The following ZNF426 variants were observed in gnomAD, a reference collection of about 807,000 sequenced individuals.
ZNF426 encodes zinc finger protein 426.
In ZNF426, 23 loss-of-function variants were observed where a neutral mutation model predicts 24.0. The observed-to-expected ratio is 0.96, with a 90% CI of 0.69 to 1.36. The LOEUF is 1.36. Ranked by LOEUF, ZNF426 falls within the 40% of genes most tolerant of loss-of-function variation. ZNF426 has a pLI of 0.00. For synonymous variants in ZNF426, 272 were observed against 224.6 expected (o/e 1.21, Z -1.89); for missense variants, 646 against 658.4 (o/e 0.98, Z 0.21).
chr19:9,531,680 G>A (rs913473729), intron 6 of ZNF426, among the ~76,000 whole-genome samples: 1 of 152,024 alleles, frequency 6.6e-6, no homozygotes, highest in Non-Finnish European at 1.5e-5. Flanking sequence ...TGAAAAAAGA[G>A]CGTATATCTA....
Position 9,524,273 on chromosome 19 carries a change from G to A in ZNF426, c.*4107C>T, listed in dbSNP as rs1309137292. The A allele has an allele frequency of 6.6e-6, 1 of 152,136 alleles. No homozygotes were observed. Among genetic ancestry groups the A allele is most frequent in the Non-Finnish European group, 1.5e-5 (1 of 68,028 alleles). 9.4% of individuals were successfully genotyped at this position (152,136 alleles called of 1,614,324 possible). A position where few individuals can be genotyped will look rare whatever the true frequency, so the allele number is the denominator to read the frequency against. ...CTTTCCCATATTTTCCATTTACATA[G>A]GGTTTCCTGCCACTGTGAATTCTTA... is the stretch of plus-strand genomic sequence containing the variant. On this transcript the variant is annotated 3_prime_UTR_variant, in exon 8 of 8. Transcript: ENST00000253115.
intron 2 of ZNF426, 171 bp from the exon 3 acceptor site, chr19:9,536,527 C>A: frequency 2.2e-6 from 1 of 458,448 alleles, no homozygotes; most frequent in Non-Finnish European, 3.8e-6. Flanking sequence ...ATAGCAAGAC[C>A]CTATCTCTAA....
At position 9,531,363 on chromosome 19, in the gene ZNF426, CAACA is replaced by C. The variant is rs576439229; in HGVS notation, c.326-300_326-297del. Reference sequence around the variant, plus strand: ...TCACACCACTGCACTCCAGCCTTGGCAACAAACAGAGTGAACCACAACAAGAACA... The same window carrying C: ...TCACACCACTGCACTCCAGCCTTGGCAACAGAGTGAACCACAACAAGAACA... On this transcript the variant is annotated intron_variant, in intron 6 of 7. Coordinates refer to ENST00000253115, the MANE Select transcript of ZNF426 (RefSeq NM_024106.3). 2.8e-3 allele frequency among the ~76,000 whole-genome samples: 423 copies of C among 152,196 alleles called. 4 individuals carry two copies. Among genetic ancestry groups the C allele is most frequent in the African/African-American group, 9.8e-3 (406 of 41,514 alleles).
rs146610378 is a variant in ZNF426 at position 9,528,913 on chromosome 19, G to A, written c.1132C>T (p.Arg378Cys). The change falls in exon 8 of 8, where the codon CGC becomes TGC. Residue 378 changes from arginine to cysteine, a missense_variant. Transcript: ENST00000253115. ...ECGKSFLTSSRLIQHIRTHTG... is the reference protein window; with the variant it reads ...ECGKSFLTSSCLIQHIRTHTG... ...TGAGTTCTTATATGTTGAATAAGGC[G>A]TGAGGATGTAAGGAAGGATTTCCCA... The A allele has an allele frequency of 2.9e-5, 46 of 1,613,632 alleles. No individual in the cohort carries two copies. The highest frequency in any genetic ancestry group is 3.4e-5 in the Non-Finnish European group (40 of 1,179,902).
rs2073922333 is a variant in ZNF426 at position 9,533,729 on chromosome 19, G to T, written c.244+111C>A. 6.2e-6 allele frequency: 9 copies of T among 1,458,192 alleles called. No individual in the cohort carries two copies. In the East Asian group the frequency reaches 2.1e-4, roughly 34 times the overall value. The allele number at this position is 1,458,192 out of a possible 1,614,324, so 90.3% of individuals were successfully genotyped here. ...AAAATCTATTTAGGACAGGGACTAT[G>T]TCTCTGTTATTTCTCTTTGCATTCA... On this transcript the variant is annotated intron_variant, in intron 5 of 7. Coordinates refer to ENST00000253115, the MANE Select transcript of ZNF426 (RefSeq NM_024106.3).
chr19:9,536,185 C>T, intron 3 of ZNF426, 23 bp downstream of exon 3: 2 of 1,614,112 alleles, frequency 1.2e-6, no homozygotes, highest in South Asian at 1.1e-5. Context: ...ACAGGATATC[C>T]TAAAAAGAGC....
At chr19:9,536,169 C>T in intron 3 of ZNF426, 39 bp downstream of exon 3, 1 of 1,614,014 alleles carries the variant, frequency 6.2e-7, no homozygotes. Flanking sequence ...GTAAAGGGAA[C>T]CTAGAACAGG....
chr19:9,530,739 G>A (rs969911111), intron 7 of ZNF426, among the ~76,000 whole-genome samples: 1 of 152,136 alleles, frequency 6.6e-6, no homozygotes, highest in Non-Finnish European at 1.5e-5. Flanking sequence ...CTCCAGCCTG[G>A]GTGACAGAGC....
intron 4 of ZNF426, among the ~76,000 whole-genome samples, 159 bp from the exon 5 acceptor site, chr19:9,534,125 A>G (rs1410351422): frequency 1.3e-5 from 2 of 152,224 alleles, no homozygotes; most frequent in African/African-American, 4.8e-5. Context: ...CACCCTAAAC[A>G]TACTCACTGT....
intron 7 of ZNF426, among the ~76,000 whole-genome samples, chr19:9,530,569 C>G (rs1412776753): frequency 2.6e-5 from 4 of 151,912 alleles, no homozygotes; most frequent in Non-Finnish European, 5.9e-5. Context: ...TGAGACTAGC[C>G]TGGGAAACAC....
intron 5 of ZNF426, 130 bp from the exon 6 acceptor site, chr19:9,533,055 A>G: frequency 1.4e-6 from 1 of 728,538 alleles, no homozygotes; most frequent in South Asian, 1.8e-5. Flanking sequence ...GCAAATAACA[A>G]CTCTGACTGT....
intron 7 of ZNF426, 90 bp from the exon 8 acceptor site, chr19:9,529,726 T>C (rs2073854589): frequency 7.9e-7 from 1 of 1,273,378 alleles, no homozygotes; most frequent in Non-Finnish European, 1.1e-6. Flanking sequence ...ATAATGGTGA[T>C]TATAATTGAT....
At chr19:9,536,630 GA>G (rs1476734962) in intron 2 of ZNF426, 2 of 257,226 alleles carry the variant, frequency 7.8e-6, no homozygotes, top group African/African-American at 2.3e-5. Context: ...CACACACATA[GA>G]AAAAATAATC....
chr19:9,533,034 G>C (rs1227477149), intron 5 of ZNF426, 109 bp from the exon 6 acceptor site: 2 of 958,316 alleles, frequency 2.1e-6, no homozygotes, highest in East Asian at 4.9e-5. Context: ...TATTTCAAAA[G>C]GGCGAAAAAT....
chr19:9,531,166 C>G, intron 6 of ZNF426, 99 bp from the exon 7 acceptor site: 1 of 946,508 alleles, frequency 1.1e-6, no homozygotes, highest in South Asian at 1.3e-5. Context: ...AGGTGGATCA[C>G]TTGAGGTCAG....
In ZNF426 at chr19:9,526,977, C is replaced by T. The variant is rs2073799644; in HGVS notation, c.*1403G>A. 6.6e-6 allele frequency: 1 copy of T among 152,028 alleles called. No homozygotes were observed. 9.4% of individuals were successfully genotyped at this position (152,028 alleles called of 1,614,324 possible). Reference sequence around the variant, plus strand: ...TCTGATAACTTCTGAAAAATAGCTACAATGTATTAGATTACATATGCTAAT... The same window carrying T: ...TCTGATAACTTCTGAAAAATAGCTATAATGTATTAGATTACATATGCTAAT... On this transcript the variant is annotated 3_prime_UTR_variant, in exon 8 of 8. Transcript: ENST00000253115.
chr19:9,526,399 A>T lies in ZNF426; in HGVS notation c.*1981T>A, dbSNP rs764641149. ...GATAAAGCAGACAGCATCCAAGAAC[A>T]GACAGGCAGTGTAAACACAGAGATG... On this transcript the variant is annotated 3_prime_UTR_variant, in exon 8 of 8. Transcript: ENST00000253115. The T allele has an allele frequency of 6.6e-6, 1 of 152,170 alleles. No homozygotes were observed. Among genetic ancestry groups the T allele is most frequent in the African/African-American group, 2.4e-5 (1 of 41,434 alleles). The allele number at this position is 152,170 out of a possible 1,614,324, so 9.4% of individuals were successfully genotyped here.
intron 3 of ZNF426, 89 bp downstream of exon 3, chr19:9,536,119 C>CA: frequency 1.3e-6 from 2 of 1,565,626 alleles, no homozygotes; most frequent in Non-Finnish European, 1.8e-6. Flanking sequence ...AATGAATCAG[C>CA]AACATGACCA....
rs143626557 is a variant in ZNF426, at chr19:9,534,448, G to A, written c.118-482C>T. Among the ~76,000 whole-genome samples, 191 of 152,004 alleles carry A rather than the reference G, an allele frequency of 1.3e-3. 1 individual carries two copies. Among genetic ancestry groups the A allele is most frequent in the African/African-American group, 4.1e-3 (169 of 41,494 alleles). ...TCTCGAACTCCTGACCTCATGATCC[G>A]CCCCCTTCAGCCTCCCAAAGTGCTG... On this transcript the variant is annotated intron_variant, in intron 4 of 7. Transcript: ENST00000253115.
Sources: allele counts gnomAD v4.1 joint callset (sites outside exome capture counted in the v4.1 genomes callset), GRCh38; gene constraint gnomAD v4.1.1; transcripts MANE v1.5; gene names NCBI Gene and HGNC (gene_info 2026-07-23, HGNC 2026-07-21).